NPAS3: variants seen among roughly 807,000 people sequenced by gnomAD.
The protein encoded by NPAS3 is neuronal PAS domain-containing protein 3.
In NPAS3, 14 loss-of-function variants were observed where a neutral mutation model predicts 73.1. That is an observed-to-expected ratio of 0.19 (90% CI 0.13 to 0.30). The LOEUF is 0.30. Among genes scored for constraint, NPAS3 ranks in the 10% least tolerant of loss-of-function variants. The probability of loss-of-function intolerance (pLI) is 1.00; values close to 1 mark genes in which losing one functional copy is unlikely to be tolerated. For missense variants in NPAS3, 1,096 were observed against 1,250.0 expected, an observed-to-expected ratio of 0.88 and a Z score of 1.86; for synonymous variants, 620 against 541.5, an observed-to-expected ratio of 1.14 and a Z score of -2.01.
intron 4 of NPAS3, among the ~76,000 whole-genome samples, chr14:33,552,596 C>T (rs2055169627): frequency 1.3e-5 from 2 of 151,060 alleles, no homozygotes; most frequent in African/African-American, 4.9e-5. Flanking sequence ...TAATGAAGAC[C>T]ACTTCCTACT....
chr14:33,001,856 A>AGATT (rs1475438238), intron 1 of NPAS3, among the ~76,000 whole-genome samples: 1 of 152,170 alleles, frequency 6.6e-6, no homozygotes, highest in African/African-American at 2.4e-5. Flanking sequence ...AATGAATTCC[A>AGATT]GATTCCTCAG....
At chr14:33,136,324 G>T in intron 2 of NPAS3, among the ~76,000 whole-genome samples, 1 of 151,522 alleles carries the variant, frequency 6.6e-6, no homozygotes, top group East Asian at 1.9e-4. Flanking sequence ...CTCCCAAAGT[G>T]CTGCGATTAC....
chr14:33,593,522 C>T (rs529144555), intron 5 of NPAS3, among the ~76,000 whole-genome samples: 11 of 152,270 alleles, frequency 7.2e-5, no homozygotes, highest in Non-Finnish European at 1.2e-4. Context: ...TCTGCCAGTG[C>T]GCATTTGGGG....
intron 5 of NPAS3, among the ~76,000 whole-genome samples, chr14:33,633,450 C>A (rs939666788): frequency 1.3e-5 from 2 of 152,112 alleles, no homozygotes; most frequent in East Asian, 1.9e-4. Flanking sequence ...TTAGGCAATT[C>A]TGTCATTATG....
intron 5 of NPAS3, chr14:33,585,914 C>A (rs1299991754): frequency 6.6e-6 from 1 of 151,898 alleles, no homozygotes; most frequent in Non-Finnish European, 1.5e-5. Flanking sequence ...ATGTTTTATG[C>A]CTTTTTAGTT....
At chr14:33,775,821 G>T (rs1293800649) in intron 8 of NPAS3, among the ~76,000 whole-genome samples, 1 of 152,248 alleles carries the variant, frequency 6.6e-6, no homozygotes, top group African/African-American at 2.4e-5. Flanking sequence ...ATTCGCTGGA[G>T]TTGGCAGTTC....
chr14:33,757,350 G>A (rs572335685), intron 7 of NPAS3, among the ~76,000 whole-genome samples: 1 of 152,142 alleles, frequency 6.6e-6, no homozygotes, highest in Non-Finnish European at 1.5e-5. Context: ...TGTAAGACAG[G>A]GATGAAGAGG....
At chr14:33,224,977 A>T (rs961892875) in intron 3 of NPAS3, among the ~76,000 whole-genome samples, 1 of 152,186 alleles carries the variant, frequency 6.6e-6, no homozygotes, top group Admixed American at 6.5e-5. Flanking sequence ...TTTTAAAAAA[A>T]TCACTAGAAT....
In NPAS3 at chr14:33,156,442, A is replaced by G. The variant is rs73270526; in HGVS notation, c.141-58740A>G. Reference sequence around the variant, plus strand: ...ACCAGTAACAAAATGTAAGTAACATATTCTCACATGTTATTGTTCTAGACA... The same window carrying G: ...ACCAGTAACAAAATGTAAGTAACATGTTCTCACATGTTATTGTTCTAGACA... On this transcript the variant is annotated intron_variant, in intron 2 of 11. Transcript: ENST00000356141. Among the ~76,000 whole-genome samples, 1,303 of 152,328 alleles carry G rather than the reference A, an allele frequency of 8.6e-3. 22 individuals are homozygous for G. The highest frequency in any genetic ancestry group is 0.03 in the African/African-American group (1,251 of 41,582).
intron 3 of NPAS3, among the ~76,000 whole-genome samples, chr14:33,252,572 T>C (rs1208617875): frequency 6.6e-6 from 1 of 152,062 alleles, no homozygotes; most frequent in East Asian, 1.9e-4. Flanking sequence ...TTTATTAGAG[T>C]TGTGCAATCT....
intron 5 of NPAS3, among the ~76,000 whole-genome samples, chr14:33,596,645 C>G (rs2057251368): frequency 6.6e-6 from 1 of 152,204 alleles, no homozygotes; most frequent in African/African-American, 2.4e-5. Flanking sequence ...ATTGACCTGT[C>G]AACATCTTGA....
intron 4 of NPAS3, among the ~76,000 whole-genome samples, chr14:33,386,151 C>A (rs2046767673): frequency 6.6e-6 from 1 of 151,634 alleles, no homozygotes; most frequent in Non-Finnish European, 1.5e-5. Context: ...TACATCAGTG[C>A]AGTATACTCT....
intron 4 of NPAS3, among the ~76,000 whole-genome samples, chr14:33,524,130 G>A (rs1338755094): frequency 6.6e-6 from 1 of 152,090 alleles, no homozygotes; most frequent in Non-Finnish European, 1.5e-5. Context: ...CAGCTTAAAT[G>A]TCACCTCCTC....
In NPAS3 at chr14:33,088,865, A is replaced by G. The variant is rs2042123862; in HGVS notation, c.140+32871A>G. On this transcript the variant is annotated intron_variant, in intron 2 of 11. Transcript: ENST00000356141. ...CATCAGGCAGCAACATTTGCTGTTC[A>G]GCAATATTTGCTGTTCTGCAGCCTC... is the stretch of plus-strand genomic sequence containing the variant. Among the ~76,000 whole-genome samples, 4 of 151,522 alleles carry G rather than the reference A, an allele frequency of 2.6e-5. No individual in the cohort carries two copies. In the South Asian group the frequency reaches 6.2e-4, roughly 24 times the overall value.
chr14:33,629,635 G>A (rs1037992154), intron 5 of NPAS3, among the ~76,000 whole-genome samples: 1 of 151,554 alleles, frequency 6.6e-6, no homozygotes, highest in Non-Finnish European at 1.5e-5. Flanking sequence ...CCAGAGGAAA[G>A]AGTCTGAGAA....
At chr14:33,167,986 T>G (rs968198860) in intron 2 of NPAS3, among the ~76,000 whole-genome samples, 2 of 152,208 alleles carry the variant, frequency 1.3e-5, no homozygotes, top group Non-Finnish European at 2.9e-5. Context: ...TTCTTGTGCA[T>G]CTCTCAAAAG....
intron 4 of NPAS3, among the ~76,000 whole-genome samples, chr14:33,480,376 T>C (rs2051257046): frequency 6.6e-6 from 1 of 152,188 alleles, no homozygotes; most frequent in African/African-American, 2.4e-5. Flanking sequence ...TCATGGCCTT[T>C]AGGCAATCTT....
At chr14:33,760,044 A>G (rs2062234807) in intron 7 of NPAS3, among the ~76,000 whole-genome samples, 1 of 152,180 alleles carries the variant, frequency 6.6e-6, no homozygotes, top group African/African-American at 2.4e-5. Flanking sequence ...AGGGTGACCA[A>G]AACAAAACCC....
intron 5 of NPAS3, among the ~76,000 whole-genome samples, chr14:33,617,908 G>C (rs1441528625): frequency 6.7e-6 from 1 of 148,998 alleles, no homozygotes; most frequent in African/African-American, 2.5e-5. Context: ...AGCAGTTAAA[G>C]AAAAAAAAAA....
Sources: allele counts gnomAD v4.1 joint callset (sites outside exome capture counted in the v4.1 genomes callset), GRCh38; gene constraint gnomAD v4.1.1; transcripts MANE v1.5; gene names NCBI Gene and HGNC (gene_info 2026-07-23, HGNC 2026-07-21).